Variants in RGS6 observed in about 807,000 individuals in gnomAD.
RGS6 encodes the protein regulator of G-protein signaling 6.
In RGS6, 30 loss-of-function variants were observed where a neutral mutation model predicts 78.5. The ratio of observed to expected loss-of-function variants is 0.38; its 90% confidence interval spans 0.29 to 0.52. RGS6 has a LOEUF of 0.52. Ranked by LOEUF, RGS6 falls within the 20% of genes least tolerant of loss-of-function variation. The pLI is 0.85. For missense variants in RGS6, 495 were observed against 609.7 expected (o/e 0.81, Z 1.98); for synonymous variants, 206 against 206.0 (o/e 1.00, Z 0.00).
intron 2 of RGS6, among the ~76,000 whole-genome samples, chr14:71,965,915 G>C (rs930204319): frequency 1.3e-5 from 2 of 152,222 alleles, no homozygotes; most frequent in African/African-American, 4.8e-5. Flanking sequence ...TAGGCGGCAA[G>C]TAGAGGGTCA....
chr14:72,350,167 T>C (rs2529467), intron 2 of RGS6, among the ~76,000 whole-genome samples: 80,447 of 152,012 alleles, frequency 0.53, 23,755 homozygotes, highest in African/African-American at 0.81. Context: ...TCTAGCATAA[T>C]ACTCATCTAC....
At chr14:72,334,496 A>C (rs531047107) in intron 2 of RGS6, among the ~76,000 whole-genome samples, 1 of 152,290 alleles carries the variant, frequency 6.6e-6, no homozygotes, top group Admixed American at 6.5e-5. Context: ...CCTTGATGGC[A>C]GGAGGGAGGG....
intron 2 of RGS6, among the ~76,000 whole-genome samples, chr14:71,994,923 A>C (rs1421577761): frequency 6.6e-6 from 1 of 152,150 alleles, no homozygotes; most frequent in Non-Finnish European, 1.5e-5. Flanking sequence ...AGAAAGTACC[A>C]CAAGCCTGAG....
chr14:72,481,903 G>T (rs2096388133), intron 12 of RGS6, among the ~76,000 whole-genome samples: 2 of 151,016 alleles, frequency 1.3e-5, no homozygotes, highest in Admixed American at 1.3e-4. Context: ...CCGCCTCCCG[G>T]GTTCACACCA....
At chr14:72,199,390 G>A (rs1335848967) in intron 2 of RGS6, among the ~76,000 whole-genome samples, 1 of 152,192 alleles carries the variant, frequency 6.6e-6, no homozygotes, top group African/African-American at 2.4e-5. Context: ...AGTTGTGTTA[G>A]TTTTGTGTAC....
At chr14:72,117,035 G>A (rs944609711) in intron 2 of RGS6, among the ~76,000 whole-genome samples, 3 of 150,864 alleles carry the variant, frequency 2.0e-5, no homozygotes, top group Non-Finnish European at 4.4e-5. Context: ...CAAGGTGGTT[G>A]AGGAAGCCCT....
At chr14:71,995,612 T>A (rs959780468) in intron 2 of RGS6, among the ~76,000 whole-genome samples, 3 of 151,922 alleles carry the variant, frequency 2.0e-5, no homozygotes, top group Admixed American at 2.0e-4. Flanking sequence ...CTCATAGGGG[T>A]GTTGAGAGAA....
In RGS6 at chr14:72,236,478, C is replaced by G. The variant is rs1381676467; in HGVS notation, c.85-115617C>G. ...CATTGAGTTTTGACAAATGCATACA[C>G]CTGTGTAATGCCAATCCCAAGCCAA... On this transcript the variant is annotated intron_variant, in intron 2 of 17. Coordinates refer to ENST00000553525, the MANE Select transcript of RGS6 (RefSeq NM_001204424.2). Among the ~76,000 whole-genome samples, 5 of 152,304 alleles carry G rather than the reference C, an allele frequency of 3.3e-5. No homozygotes were observed. In the East Asian group the frequency reaches 9.6e-4, roughly 29 times the overall value.
rs113399616 is a variant in RGS6, at chr14:72,439,527, A to G, written c.185-15001A>G. On this transcript the variant is annotated intron_variant, in intron 3 of 17. Transcript: ENST00000553525. ...ATCAGAAGAAAACCCTGCTCTTTGG[A>G]AGCAAAGTGTGCCAAATAACAAAGC... Among the ~76,000 whole-genome samples the G allele has an allele frequency of 1.4e-3, 219 of 152,354 alleles. 2 individuals carry two copies. The highest frequency in any genetic ancestry group is 4.9e-3 in the African/African-American group (205 of 41,574).
chr14:72,540,028 T>G lies in RGS6; in HGVS notation c.1369-13T>G. The G allele has an allele frequency of 6.4e-7, 1 of 1,562,054 alleles. No individual in the cohort carries two copies. Among genetic ancestry groups the G allele is most frequent in the Non-Finnish European group, 8.6e-7 (1 of 1,167,682 alleles). ...TGTATTTTTCTCCCTACCCTTTTTTTTTTTTCCTAAAGCCAGAAAGTGAGC... is the reference window on the plus strand; with the variant it reads ...TGTATTTTTCTCCCTACCCTTTTTTGTTTTTCCTAAAGCCAGAAAGTGAGC... On this transcript the variant is annotated splice_polypyrimidine_tract_variant and intron_variant, in intron 16 of 17. Coordinates refer to ENST00000553525, the MANE Select transcript of RGS6 (RefSeq NM_001204424.2).
At chr14:72,214,386 A>G (rs2045030457) in intron 2 of RGS6, among the ~76,000 whole-genome samples, 2 of 151,866 alleles carry the variant, frequency 1.3e-5, no homozygotes, top group African/African-American at 4.8e-5. Flanking sequence ...CCATACTGAC[A>G]CTGTTTTAAA....
At chr14:72,124,190 C>T (rs1247234116) in intron 2 of RGS6, among the ~76,000 whole-genome samples, 1 of 152,156 alleles carries the variant, frequency 6.6e-6, no homozygotes, top group Non-Finnish European at 1.5e-5. Context: ...CTGATACAGT[C>T]TCCTTTGCTT....
chr14:71,948,746 T>C (rs1211592354), intron 1 of RGS6, among the ~76,000 whole-genome samples: 60 of 133,470 alleles, frequency 4.5e-4, no homozygotes, highest in Non-Finnish European at 6.7e-4. Context: ...CTCTCTTTTT[T>C]TTTTTTTTTT....
intron 1 of RGS6, among the ~76,000 whole-genome samples, chr14:71,939,543 G>A (rs950722925): frequency 3.3e-5 from 5 of 152,216 alleles, no homozygotes; most frequent in Non-Finnish European, 7.3e-5. Flanking sequence ...TGCTAGCCTT[G>A]CCAGCTGAAG....
At chr14:71,918,332 A>G in the RGS6 span, among the ~76,000 whole-genome samples, 1 of 151,692 alleles carries the variant, frequency 6.6e-6, no homozygotes, top group South Asian at 2.1e-4. Context: ...AACACTTCTC[A>G]TAGTTAACCA....
chr14:72,336,536 C>CGT (rs1567789095), intron 2 of RGS6, among the ~76,000 whole-genome samples: 8 of 149,192 alleles, frequency 5.4e-5, no homozygotes, highest in African/African-American at 1.7e-4. Flanking sequence ...AGAGAGAGAG[C>CGT]GCGCATAGGG....
At position 72,562,448 on chromosome 14, in the gene RGS6, G is replaced by A; in HGVS notation, c.1454G>A (p.Gly485Asp). ...TCGCTGGCGGGCAAGCGCCTCACGG[G>A]CCTGATGCAGTCCTCCTGACCGTTC... The part of the protein sequence containing the change: ...GKSLAGKRLT[G>D]LMQSS The change falls in exon 18 of 18, where the codon GGC (glycine) becomes GAC (aspartate). Residue 485 changes from glycine (G) to aspartate (D), a missense_variant. Physicochemically the swap from Gly to Asp is moderately conservative, Grantham distance 94. Coordinates refer to ENST00000553525, the MANE Select transcript of RGS6 (RefSeq NM_001204424.2). 6.2e-7 allele frequency: 1 copy of A among 1,612,862 alleles called. No homozygotes were observed. Among genetic ancestry groups the A allele is most frequent in the Non-Finnish European group, 8.5e-7 (1 of 1,180,040 alleles).
chr14:71,986,049 T>C (rs2094698867), intron 2 of RGS6, among the ~76,000 whole-genome samples: 1 of 152,200 alleles, frequency 6.6e-6, no homozygotes, highest in Non-Finnish European at 1.5e-5. Flanking sequence ...AGCTCTTCTG[T>C]CACACACTTG....
chr14:72,087,975 T>G (rs1376444024), intron 2 of RGS6, among the ~76,000 whole-genome samples: 1 of 152,118 alleles, frequency 6.6e-6, no homozygotes, highest in Admixed American at 6.5e-5. Context: ...GATCTCTCCC[T>G]TCTCATGGCA....
Sources: allele counts gnomAD v4.1 joint callset (sites outside exome capture counted in the v4.1 genomes callset), GRCh38; gene constraint gnomAD v4.1.1; transcripts MANE v1.5; gene names NCBI Gene and HGNC (gene_info 2026-07-23, HGNC 2026-07-21).